The following ZNF804B variants were observed in gnomAD, a reference collection of about 807,000 sequenced individuals.
ZNF804B encodes the protein zinc finger 804B.
In ZNF804B, 80 loss-of-function variants were observed where a neutral mutation model predicts 101.4. The observed-to-expected ratio is 0.79, with a 90% CI of 0.66 to 0.95. The LOEUF (loss-of-function observed/expected upper bound fraction) is 0.95. Among genes scored for constraint, ZNF804B ranks in the 40% least tolerant of loss-of-function variants. The pLI is 0.00. For missense variants in ZNF804B, 1,673 were observed against 1,561.9 expected (o/e 1.07, Z -1.20); for synonymous variants, 622 against 558.8 (o/e 1.11, Z -1.59).
chr7:89,147,898 A>G (rs750102989), intron 1 of ZNF804B, among the ~76,000 whole-genome samples: 4 of 151,656 alleles, frequency 2.6e-5, no homozygotes, highest in Admixed American at 6.6e-5. Flanking sequence ...CAATTCTACA[A>G]TATGCTGAGT....
intron 1 of ZNF804B, among the ~76,000 whole-genome samples, chr7:89,040,604 T>C (rs974316669): frequency 3.3e-5 from 5 of 152,218 alleles, no homozygotes; most frequent in Non-Finnish European, 7.3e-5. Flanking sequence ...CCAGACAGTT[T>C]GTAGATCTTC....
rs1486582447 is a variant in ZNF804B at position 89,220,048 on chromosome 7, TATATACATATATAC to T, written c.249+1754_249+1767del. 5.4e-5 allele frequency among the ~76,000 whole-genome samples: 5 copies of T among 93,220 alleles called. 2 individuals carry two copies. The highest frequency in any genetic ancestry group is 2.4e-4 in the African/African-American group (5 of 20,666). The allele number at this position is 93,220 out of a possible 152,430, so 61.2% of individuals were successfully genotyped here. A position where few individuals can be genotyped will look rare whatever the true frequency, so the allele number is the denominator to read the frequency against. ...ATATATATACGCACATATATGTGCATATATACATATATACGCACATATATGTGTATATACATATA... is the reference window on the plus strand; with the variant it reads ...ATATATATACGCACATATATGTGCATGCACATATATGTGTATATACATATA... On this transcript the variant is annotated intron_variant, in intron 2 of 3. Transcript: ENST00000333190.
intron 1 of ZNF804B, among the ~76,000 whole-genome samples, chr7:88,782,356 T>A (rs1790241719): frequency 6.6e-6 from 1 of 152,102 alleles, no homozygotes; most frequent in Non-Finnish European, 1.5e-5. Flanking sequence ...CGTACAGCAC[T>A]GTTAAACACT....
chr7:89,186,113 T>G (rs1788372180), intron 1 of ZNF804B, among the ~76,000 whole-genome samples: 1 of 151,960 alleles, frequency 6.6e-6, no homozygotes, highest in African/African-American at 2.4e-5. Context: ...AGAAAGAATA[T>G]GTACATATTA....
intron 1 of ZNF804B, among the ~76,000 whole-genome samples, chr7:88,983,966 A>G (rs1403078017): frequency 2.6e-5 from 4 of 152,126 alleles, no homozygotes; most frequent in Non-Finnish European, 4.4e-5. Context: ...ATTCCAGGTT[A>G]CATGTATAAT....
At chr7:89,170,949 C>A (rs1293567635) in intron 1 of ZNF804B, among the ~76,000 whole-genome samples, 1 of 152,178 alleles carries the variant, frequency 6.6e-6, no homozygotes, top group Non-Finnish European at 1.5e-5. Flanking sequence ...AGCCCCAAAA[C>A]AAACATCTCC....
chr7:89,282,316 A>G (rs1790112540), intron 2 of ZNF804B, among the ~76,000 whole-genome samples: 1 of 152,082 alleles, frequency 6.6e-6, no homozygotes, highest in Non-Finnish European at 1.5e-5. Flanking sequence ...GAAATGACAC[A>G]TGTGCCTATG....
intron 1 of ZNF804B, among the ~76,000 whole-genome samples, chr7:88,939,236 C>A (rs1184924846): frequency 6.6e-6 from 1 of 151,962 alleles, no homozygotes; most frequent in Non-Finnish European, 1.5e-5. Flanking sequence ...GACCTGTGTG[C>A]ATCCTCCTTT....
chr7:89,170,683 G>A (rs1331712872), intron 1 of ZNF804B, among the ~76,000 whole-genome samples: 1 of 152,078 alleles, frequency 6.6e-6, no homozygotes, highest in Non-Finnish European at 1.5e-5. Flanking sequence ...TTTTCCCTGA[G>A]GTCCTTGCCT....
intron 1 of ZNF804B, among the ~76,000 whole-genome samples, chr7:88,819,398 T>C (rs1311175338): frequency 6.6e-6 from 1 of 152,196 alleles, no homozygotes; most frequent in Non-Finnish European, 1.5e-5. Flanking sequence ...CCCAAAGTGC[T>C]GGAATTACAG....
At chr7:89,221,668 T>C (rs1789005187) in intron 2 of ZNF804B, among the ~76,000 whole-genome samples, 1 of 150,904 alleles carries the variant, frequency 6.6e-6, no homozygotes, top group Non-Finnish European at 1.5e-5. Context: ...ATCTAACATG[T>C]TGATAAACAA....
At chr7:89,109,252 A>G (rs1790178907) in intron 1 of ZNF804B, among the ~76,000 whole-genome samples, 1 of 152,212 alleles carries the variant, frequency 6.6e-6, no homozygotes, top group African/African-American at 2.4e-5. Flanking sequence ...TTTACTGTCT[A>G]TTCGTTACAC....
intron 1 of ZNF804B, among the ~76,000 whole-genome samples, chr7:89,027,371 C>T (rs1306944164): frequency 2.6e-5 from 4 of 151,978 alleles, no homozygotes; most frequent in African/African-American, 4.8e-5. Flanking sequence ...GATGGACTAA[C>T]CTTAAAATAA....
chr7:88,822,201 T>C (rs916513689), intron 1 of ZNF804B, among the ~76,000 whole-genome samples: 2 of 152,194 alleles, frequency 1.3e-5, no homozygotes, highest in African/African-American at 4.8e-5. Context: ...CTAGTGCTAG[T>C]TGAAACTTCT....
intron 1 of ZNF804B, among the ~76,000 whole-genome samples, chr7:89,180,927 G>A (rs561251499): frequency 6.7e-6 from 1 of 150,286 alleles, no homozygotes; most frequent in Non-Finnish European, 1.5e-5. Flanking sequence ...TGGAACTCAG[G>A]TTCTGACAAG....
intron 2 of ZNF804B, among the ~76,000 whole-genome samples, chr7:89,302,510 TAG>T (rs151123987): frequency 6.6e-5 from 10 of 150,420 alleles, no homozygotes; most frequent in African/African-American, 7.3e-5. Context: ...GAAGTTATGC[TAG>T]AGAGAGAGAG....
intron 2 of ZNF804B, among the ~76,000 whole-genome samples, chr7:89,226,867 C>G (rs1789097577): frequency 6.6e-6 from 1 of 152,100 alleles, no homozygotes; most frequent in Non-Finnish European, 1.5e-5. Context: ...GCCTATTACT[C>G]ATTCTTTCCT....
At position 89,156,074 on chromosome 7, in the gene ZNF804B, C is replaced by CTTTCTCTCGTTCTCTCTTTCCTT. The variant is rs1562899806; in HGVS notation, c.109-62080_109-62079insTTCTCTCGTTCTCTCTTTCCTTT. Among the ~76,000 whole-genome samples, 60 of 69,778 alleles carry CTTTCTCTCGTTCTCTCTTTCCTT rather than the reference C, an allele frequency of 8.6e-4. 2 individuals carry two copies. Among genetic ancestry groups the CTTTCTCTCGTTCTCTCTTTCCTT allele is most frequent in the East Asian group, 2.4e-3 (5 of 2,052 alleles). The allele number at this position is 69,778 out of a possible 152,430, so 45.8% of individuals were successfully genotyped here. A position where few individuals can be genotyped will look rare whatever the true frequency, so the allele number is the denominator to read the frequency against. Reference sequence around the variant, plus strand: ...TTTCTTTCTTTCTTTCTTTCTTTCTCTCTTTCTCTCTTTCCTTTCTTTCTT... The same window carrying CTTTCTCTCGTTCTCTCTTTCCTT: ...TTTCTTTCTTTCTTTCTTTCTTTCTCTTTCTCTCGTTCTCTCTTTCCTTTCTTTCTCTCTTTCCTTTCTTTCTT... On this transcript the variant is annotated intron_variant, in intron 1 of 3. Transcript: ENST00000333190.
Position 89,194,906 on chromosome 7 carries a change from T to C in ZNF804B, c.109-23249T>C, listed in dbSNP as rs943825306. ...TGAATCTATAAATTACCTTGGGCAG[T>C]ATGGCCATTTTCATGATATTGATTC... On this transcript the variant is annotated intron_variant, in intron 1 of 3. Transcript: ENST00000333190. Among the ~76,000 whole-genome samples the C allele has an allele frequency of 1.6e-3, 246 of 152,242 alleles. 2 individuals are homozygous for C. Among genetic ancestry groups the C allele is most frequent in the Non-Finnish European group, 4.0e-4 (27 of 68,026 alleles).
Sources: allele counts gnomAD v4.1 joint callset (sites outside exome capture counted in the v4.1 genomes callset), GRCh38; gene constraint gnomAD v4.1.1; transcripts MANE v1.5; gene names NCBI Gene and HGNC (gene_info 2026-07-23, HGNC 2026-07-21).